CEMIP: variants seen among roughly 807,000 people sequenced by gnomAD.
CEMIP encodes the protein cell migration-inducing and hyaluronan-binding protein.
CEMIP carries 105 observed loss-of-function variants against 156.9 expected under a neutral mutation model. That is an observed-to-expected ratio of 0.67 (90% CI 0.57 to 0.79). The LOEUF (loss-of-function observed/expected upper bound fraction) is 0.79, where lower values mean the gene tolerates loss of function less well. Ranked by LOEUF, CEMIP falls within the 30% of genes least tolerant of loss-of-function variation. The pLI is 0.00. For synonymous variants in CEMIP, 676 were observed against 668.4 expected, an observed-to-expected ratio of 1.01 and a Z score of -0.17; for missense variants, 1,457 against 1,769.4, an observed-to-expected ratio of 0.82 and a Z score of 3.17.
chr15:80,816,064 C>G (rs891277485), intron 1 of CEMIP, among the ~76,000 whole-genome samples: 2 of 152,156 alleles, frequency 1.3e-5, no homozygotes, highest in African/African-American at 4.8e-5. Context: ...CTAAAGCAAA[C>G]TCTTTTGCAA....
chr15:80,897,347 G>A (rs1451001527), intron 12 of CEMIP: 2 of 456,016 alleles, frequency 4.4e-6, no homozygotes, highest in East Asian at 1.4e-4. Flanking sequence ...AATCTGTGGA[G>A]GCAAAGTTTA....
At chr15:80,824,692 A>G (rs185785632) in intron 1 of CEMIP, among the ~76,000 whole-genome samples, 57 of 152,294 alleles carry the variant, frequency 3.7e-4, no homozygotes, top group Admixed American at 3.5e-3. Flanking sequence ...CCGGTTCTTT[A>G]ATATTGTCTT....
At chr15:80,796,824 C>A (rs1282121081) in intron 1 of CEMIP, among the ~76,000 whole-genome samples, 2 of 152,142 alleles carry the variant, frequency 1.3e-5, no homozygotes, top group Admixed American at 6.5e-5. Context: ...GAGATTAATG[C>A]ATTTTATGTC....
At chr15:80,801,145 C>T (rs1333621435) in intron 1 of CEMIP, among the ~76,000 whole-genome samples, 2 of 152,238 alleles carry the variant, frequency 1.3e-5, no homozygotes, top group Non-Finnish European at 2.9e-5. Flanking sequence ...AGAGTTCCCT[C>T]TCTCCTTCTC....
chr15:80,860,544 G>A (rs1056709907), intron 1 of CEMIP, among the ~76,000 whole-genome samples: 4 of 152,116 alleles, frequency 2.6e-5, no homozygotes, highest in Admixed American at 6.5e-5. Context: ...AAGCCAGCAC[G>A]GCAGCACTGA....
At chr15:80,807,735 C>T (rs915541348) in intron 1 of CEMIP, among the ~76,000 whole-genome samples, 29 of 152,358 alleles carry the variant, frequency 1.9e-4, no homozygotes, top group Non-Finnish European at 3.5e-4. Flanking sequence ...GCAGCCAGCA[C>T]AGTGGCCTTC....
At chr15:80,854,633 G>A (rs574442250) in intron 1 of CEMIP, among the ~76,000 whole-genome samples, 1 of 152,282 alleles carries the variant, frequency 6.6e-6, no homozygotes, top group South Asian at 2.1e-4. Flanking sequence ...ACTGCAAACC[G>A]GGTGCTTTCC....
intron 1 of CEMIP, among the ~76,000 whole-genome samples, chr15:80,802,376 A>G (rs573947383): frequency 2.0e-5 from 3 of 152,280 alleles, no homozygotes; most frequent in East Asian, 3.9e-4. Flanking sequence ...GCCCTTCCTG[A>G]TGGCTCTGCC....
chr15:80,788,192 C>T (rs957850302), intron 1 of CEMIP, among the ~76,000 whole-genome samples: 1 of 151,780 alleles, frequency 6.6e-6, no homozygotes, highest in Non-Finnish European at 1.5e-5. Flanking sequence ...TTTTTAAGGC[C>T]GGGTGAGGTG....
intron 1 of CEMIP, among the ~76,000 whole-genome samples, chr15:80,826,668 C>T (rs555264143): frequency 1.3e-5 from 2 of 152,292 alleles, no homozygotes; most frequent in African/African-American, 2.4e-5. Flanking sequence ...ATTATATAAT[C>T]ATATGTGCCA....
At chr15:80,946,613 TACATATCG>T (rs931656862) in intron 28 of CEMIP, 17 of 292,162 alleles carry the variant, frequency 5.8e-5, no homozygotes, top group African/African-American at 3.2e-4. Context: ...AGGGAAGAGA[TACATATCG>T]AAGTCCTACT....
At chr15:80,823,394 C>T (rs534694092) in intron 1 of CEMIP, among the ~76,000 whole-genome samples, 114 of 152,298 alleles carry the variant, frequency 7.5e-4, no homozygotes, top group Non-Finnish European at 1.3e-3. Flanking sequence ...GAGGAATCTG[C>T]CCTGGCATTC....
At chr15:80,943,149 C>A (rs781108856) in intron 28 of CEMIP, 47 bp downstream of exon 28, 2 of 1,606,892 alleles carry the variant, frequency 1.2e-6, no homozygotes, top group South Asian at 1.1e-5. Context: ...GCACAGCAGA[C>A]CCCTGGGCAA....
At chr15:80,847,880 C>G (rs1897601747) in intron 1 of CEMIP, among the ~76,000 whole-genome samples, 2 of 152,204 alleles carry the variant, frequency 1.3e-5, no homozygotes, top group African/African-American at 2.4e-5. Flanking sequence ...GAAGGTGAAA[C>G]AGTGAGCCGT....
intron 1 of CEMIP, among the ~76,000 whole-genome samples, chr15:80,825,448 C>T (rs1022353946): frequency 3.9e-5 from 6 of 152,164 alleles, no homozygotes; most frequent in East Asian, 1.9e-4. Flanking sequence ...CCCCCACCCT[C>T]GGTGAAGCAG....
chr15:80,941,417 G>GCAT (rs1174052562), intron 25 of CEMIP, among the ~76,000 whole-genome samples: 1 of 152,084 alleles, frequency 6.6e-6, no homozygotes, highest in Non-Finnish European at 1.5e-5. Context: ...GGAAGACAGA[G>GCAT]CATCTCCTCA....
At chr15:80,834,622 G>C (rs1897230232) in intron 1 of CEMIP, among the ~76,000 whole-genome samples, 1 of 152,140 alleles carries the variant, frequency 6.6e-6, no homozygotes. Context: ...TGTTTCATTG[G>C]TCCATTTATG....
intron 1 of CEMIP, among the ~76,000 whole-genome samples, chr15:80,835,016 A>T (rs1596121314): frequency 1.3e-5 from 2 of 152,118 alleles, no homozygotes; most frequent in African/African-American, 4.8e-5. Context: ...TTTTCAAAAT[A>T]GGGATTGTTT....
chr15:80,873,461 C>T (rs1464820936), intron 1 of CEMIP, 77 bp from the exon 2 acceptor site: 4 of 281,452 alleles, frequency 1.4e-5, no homozygotes, highest in African/African-American at 6.5e-5. Flanking sequence ...TGAGATCACA[C>T]AGCGAGTTGG....
Sources: allele counts gnomAD v4.1 joint callset (sites outside exome capture counted in the v4.1 genomes callset), GRCh38; gene constraint gnomAD v4.1.1; transcripts MANE v1.5; gene names NCBI Gene and HGNC (gene_info 2026-07-23, HGNC 2026-07-21).